Variants in VAV3 observed in about 807,000 individuals in gnomAD.
VAV3 encodes guanine nucleotide exchange factor VAV3.
Under a neutral mutation model 131.2 loss-of-function variants are expected in VAV3, and 94 were observed. That is an observed-to-expected ratio of 0.72 (90% CI 0.61 to 0.85). The LOEUF is 0.85. Ranked by LOEUF, VAV3 falls within the 40% of genes least tolerant of loss-of-function variation. The probability of loss-of-function intolerance (pLI) is 0.00; values close to 1 mark genes in which losing one functional copy is unlikely to be tolerated. For missense variants in VAV3, 939 were observed against 1,002.7 expected (o/e 0.94, Z 0.86); for synonymous variants, 349 against 342.0 (o/e 1.02, Z -0.22).
chr1:107,787,229 C>T (rs1666056397), intron 2 of VAV3, among the ~76,000 whole-genome samples: 1 of 152,154 alleles, frequency 6.6e-6, no homozygotes, highest in African/African-American at 2.4e-5. Flanking sequence ...ACTTCACTAC[C>T]CTTTCTATAA....
chr1:107,661,297 G>A (rs576499518), intron 19 of VAV3, among the ~76,000 whole-genome samples: 9 of 152,178 alleles, frequency 5.9e-5, no homozygotes, highest in Admixed American at 2.6e-4. Flanking sequence ...ACTCTTGCAC[G>A]ACCCATTATG....
At chr1:107,870,355 T>C (rs374106234) in intron 2 of VAV3, among the ~76,000 whole-genome samples, 11 of 152,204 alleles carry the variant, frequency 7.2e-5, no homozygotes, top group African/African-American at 2.4e-4. Context: ...GGTATTCCAT[T>C]GTGGTTTTGA....
intron 19 of VAV3, among the ~76,000 whole-genome samples, chr1:107,664,661 G>A (rs1193460485): frequency 6.6e-6 from 1 of 151,974 alleles, no homozygotes; most frequent in Non-Finnish European, 1.5e-5. Flanking sequence ...CAGTTATTAA[G>A]GAGCTTATGA....
intron 20 of VAV3, among the ~76,000 whole-genome samples, chr1:107,633,802 G>A (rs1654697055): frequency 6.6e-6 from 1 of 152,070 alleles, no homozygotes; most frequent in Admixed American, 6.6e-5. Flanking sequence ...AGGAAGATAA[G>A]GAACCACTGA....
In VAV3 at chr1:107,683,366, T is replaced by G. The variant is rs1658781917; in HGVS notation, c.1777+122A>C. ...AGACCATGACCTCCTGGTCACACAT[T>G]ATACACCAAATTATGAGGAACAAAG... is the stretch of plus-strand genomic sequence containing the variant. On this transcript the variant is annotated intron_variant, in intron 19 of 26. Transcript: ENST00000370056. The G allele has an allele frequency of 3.5e-6, 4 of 1,140,070 alleles. No homozygotes were observed. In the East Asian group the frequency reaches 9.7e-5, roughly 28 times the overall value. The allele number at this position is 1,140,070 out of a possible 1,614,324, so 70.6% of individuals were successfully genotyped here.
intron 24 of VAV3, among the ~76,000 whole-genome samples, chr1:107,601,494 T>C (rs767325773): frequency 3.3e-5 from 5 of 152,166 alleles, no homozygotes; most frequent in Non-Finnish European, 5.9e-5. Flanking sequence ...AGATGTTTTC[T>C]GGAAGGATGC....
chr1:107,631,535 G>A (rs1229443870), intron 20 of VAV3, among the ~76,000 whole-genome samples: 2 of 151,250 alleles, frequency 1.3e-5, no homozygotes, highest in Admixed American at 1.3e-4. Context: ...GTACAGGTTA[G>A]TTACATATGT....
chr1:107,623,961 T>C (rs1451059443), intron 20 of VAV3, among the ~76,000 whole-genome samples: 2 of 152,200 alleles, frequency 1.3e-5, no homozygotes, highest in Non-Finnish European at 2.9e-5. Flanking sequence ...TCTCTGAAAT[T>C]AAATTTACCT....
intron 2 of VAV3, among the ~76,000 whole-genome samples, chr1:107,857,137 C>T (rs1224026232): frequency 6.6e-6 from 1 of 152,046 alleles, no homozygotes; most frequent in African/African-American, 2.4e-5. Flanking sequence ...ACTCAGTGGG[C>T]TGGGAAAGGC....
chr1:107,701,799 C>T (rs780387628), intron 17 of VAV3, among the ~76,000 whole-genome samples: 1 of 152,164 alleles, frequency 6.6e-6, no homozygotes. Flanking sequence ...GACCTTTACT[C>T]CAATTCCCAA....
intron 20 of VAV3, among the ~76,000 whole-genome samples, chr1:107,624,353 TC>T (rs1653838041): frequency 6.7e-6 from 1 of 148,340 alleles, no homozygotes. Flanking sequence ...CATGATACAA[TC>T]CTAAATTATA....
At chr1:107,659,512 G>T (rs948472651) in intron 19 of VAV3, among the ~76,000 whole-genome samples, 1 of 152,160 alleles carries the variant, frequency 6.6e-6, no homozygotes, top group African/African-American at 2.4e-5. Context: ...TTTAAAGTAT[G>T]CAGAAGCACT....
intron 1 of VAV3, among the ~76,000 whole-genome samples, chr1:107,884,409 T>TTATTATTATTATTATTATTATTAA (rs1257874329): frequency 0.24 from 282 of 1,182 alleles, 5 homozygotes; most frequent in African/African-American, 0.36. Context: ...AAATTATTTA[T>TTATTATTATTATTATTATTATTAA]TATTATTATT....
intron 12 of VAV3, among the ~76,000 whole-genome samples, chr1:107,752,323 C>T (rs1217073428): frequency 2.6e-5 from 4 of 152,058 alleles, no homozygotes; most frequent in African/African-American, 9.7e-5. Flanking sequence ...TTACCTTACA[C>T]CATAAATAAA....
intron 12 of VAV3, among the ~76,000 whole-genome samples, chr1:107,754,059 C>A (rs376408591): frequency 2.0e-5 from 3 of 152,106 alleles, no homozygotes; most frequent in Admixed American, 2.0e-4. Context: ...ACTGTAGAAA[C>A]GTATGTCAAA....
In VAV3 at chr1:107,691,031, T is replaced by C. The variant is rs187082530; in HGVS notation, c.1706-2625A>G. Among the ~76,000 whole-genome samples the C allele has an allele frequency of 3.5e-3, 532 of 152,334 alleles. 4 individuals carry two copies. The highest frequency in any genetic ancestry group is 4.4e-3 in the Non-Finnish European group (301 of 68,034). On this transcript the variant is annotated intron_variant, in intron 17 of 26. Transcript: ENST00000370056. ...AAACCCAAAGGAGTATCAGTAACTC[T>C]TAGAATCTGCTGAGTTCAGAAATTC...
intron 1 of VAV3, among the ~76,000 whole-genome samples, chr1:107,942,490 T>C (rs1674047101): frequency 6.6e-6 from 1 of 152,216 alleles, no homozygotes; most frequent in South Asian, 2.1e-4. Context: ...GTCTCACTTC[T>C]TCAGGCCCAC....
At position 107,603,239 on chromosome 1, in the gene VAV3, A is replaced by G. The variant is rs1228593738; in HGVS notation, c.2016-76T>C. ...CAGAGGCTAAAAGTAAGTATCTCTC[A>G]ATATTTAATTTAGTGGCAGATCTGA... On this transcript the variant is annotated intron_variant, in intron 22 of 26. Coordinates refer to ENST00000370056, the MANE Select transcript of VAV3 (RefSeq NM_006113.5). 6 of 1,065,288 alleles carry G rather than the reference A, an allele frequency of 5.6e-6. No individual in the cohort carries two copies. In the East Asian group the frequency reaches 9.5e-5, roughly 17 times the overall value. The allele number at this position is 1,065,288 out of a possible 1,614,324, so 66.0% of individuals were successfully genotyped here.
intron 22 of VAV3, among the ~76,000 whole-genome samples, chr1:107,609,250 T>C (rs949974558): frequency 6.6e-6 from 1 of 152,228 alleles, no homozygotes; most frequent in Non-Finnish European, 1.5e-5. Context: ...TTTTTAATAG[T>C]TGGAGATATC....
Sources: allele counts gnomAD v4.1 joint callset (sites outside exome capture counted in the v4.1 genomes callset), GRCh38; gene constraint gnomAD v4.1.1; transcripts MANE v1.5; gene names NCBI Gene and HGNC (gene_info 2026-07-23, HGNC 2026-07-21).